VAT1L: variants seen among roughly 807,000 people sequenced by gnomAD.
VAT1L encodes the protein vesicle amine transport 1 like, also known as putative NADPH-dependent quinone oxidoreductase VAT1L.
Under a neutral mutation model 44.1 loss-of-function variants are expected in VAT1L, and 34 were observed. That is an observed-to-expected ratio of 0.77 (90% CI 0.59 to 1.03). The LOEUF (loss-of-function observed/expected upper bound fraction) is 1.03, where lower values mean the gene tolerates loss of function less well. Among genes scored for constraint, VAT1L ranks in the 50% least tolerant of loss-of-function variants. The probability of loss-of-function intolerance (pLI) is 0.00; values close to 1 mark genes in which losing one functional copy is unlikely to be tolerated. For missense variants in VAT1L, 615 were observed against 538.8 expected (o/e 1.14, Z -1.40); for synonymous variants, 253 against 202.2 (o/e 1.25, Z -2.13).
intron 4 of VAT1L, among the ~76,000 whole-genome samples, chr16:77,870,813 A>T (rs2017023220): frequency 1.3e-5 from 2 of 152,206 alleles, no homozygotes; most frequent in African/African-American, 4.8e-5. Flanking sequence ...AACCGGAGTC[A>T]GGGGGCACAG....
intron 7 of VAT1L, among the ~76,000 whole-genome samples, chr16:77,947,834 A>C (rs998430366): frequency 6.6e-6 from 1 of 152,138 alleles, no homozygotes; most frequent in African/African-American, 2.4e-5. Flanking sequence ...ATCTTGGCTC[A>C]CCACAACCTC....
intron 7 of VAT1L, among the ~76,000 whole-genome samples, chr16:77,965,448 G>C (rs1212022220): frequency 8.5e-5 from 13 of 152,210 alleles, no homozygotes; most frequent in Admixed American, 7.8e-4. Context: ...AGAAAGTCCA[G>C]ATGTCCTTTG....
chr16:77,928,649 G>A (rs1434045216), intron 7 of VAT1L, among the ~76,000 whole-genome samples: 1 of 152,110 alleles, frequency 6.6e-6, no homozygotes, highest in African/African-American at 2.4e-5. Context: ...AATAAGATTT[G>A]AAAGCAAGCC....
intron 7 of VAT1L, among the ~76,000 whole-genome samples, chr16:77,969,764 G>T (rs1467594334): frequency 6.6e-6 from 1 of 152,058 alleles, no homozygotes; most frequent in African/African-American, 2.4e-5. Context: ...ATTTTAGAAG[G>T]TGTCTGCTAC....
chr16:77,925,815 G>A (rs963371230), intron 7 of VAT1L, among the ~76,000 whole-genome samples: 3 of 151,404 alleles, frequency 2.0e-5, no homozygotes, highest in African/African-American at 7.4e-5. Flanking sequence ...TAAAAAGCCA[G>A]AAGCAGCATC....
intron 7 of VAT1L, among the ~76,000 whole-genome samples, chr16:77,932,010 C>G (rs945295505): frequency 6.6e-6 from 1 of 152,110 alleles, no homozygotes; most frequent in Non-Finnish European, 1.5e-5. Flanking sequence ...ATTCATTCAT[C>G]CACGCCTGAG....
At chr16:77,847,340 A>C (rs1244776863) in intron 3 of VAT1L, among the ~76,000 whole-genome samples, 1 of 152,172 alleles carries the variant, frequency 6.6e-6, no homozygotes, top group Non-Finnish European at 1.5e-5. Context: ...GAAGGGAGAC[A>C]GAAACCAAAA....
At chr16:77,848,134 C>A (rs1597065049) in intron 3 of VAT1L, among the ~76,000 whole-genome samples, 2 of 152,296 alleles carry the variant, frequency 1.3e-5, no homozygotes, top group Admixed American at 1.3e-4. Context: ...TTTTGTGTGT[C>A]ATGCTTCCTA....
At chr16:77,815,559 T>G (rs1202244088) in intron 1 of VAT1L, among the ~76,000 whole-genome samples, 1 of 152,240 alleles carries the variant, frequency 6.6e-6, no homozygotes, top group Non-Finnish European at 1.5e-5. Flanking sequence ...CTTACTCACC[T>G]TTATTCAGTC....
At chr16:77,825,866 A>AT (rs534510241) in intron 3 of VAT1L, among the ~76,000 whole-genome samples, 49 of 150,304 alleles carry the variant, frequency 3.3e-4, no homozygotes, top group African/African-American at 1.1e-3. Context: ...AATAAAAAAA[A>AT]AAAAAAATTA....
chr16:77,874,387 G>C (rs542130795), intron 4 of VAT1L, among the ~76,000 whole-genome samples: 1 of 152,106 alleles, frequency 6.6e-6, no homozygotes, highest in South Asian at 2.1e-4. Context: ...CATAATGCAA[G>C]GTGAAGACCT....
Position 77,897,871 on chromosome 16 carries a change from G to A in VAT1L, c.1077+13069G>A, listed in dbSNP as rs140619157. Among the ~76,000 whole-genome samples, 283 of 152,242 alleles carry A rather than the reference G, an allele frequency of 1.9e-3. 1 individual carries two copies. The highest frequency in any genetic ancestry group is 6.7e-3 in the African/African-American group (280 of 41,534). On this transcript the variant is annotated intron_variant, in intron 7 of 8. Transcript: ENST00000302536. Reference sequence around the variant, plus strand: ...TTTCCTCCCCTATAAAATAGGAACAGCTGACTTTATTTCCCAAAACAGTTG... The same window carrying A: ...TTTCCTCCCCTATAAAATAGGAACAACTGACTTTATTTCCCAAAACAGTTG...
intron 3 of VAT1L, among the ~76,000 whole-genome samples, chr16:77,839,751 A>T (rs901905766): frequency 2.6e-5 from 4 of 152,162 alleles, no homozygotes; most frequent in African/African-American, 7.2e-5. Flanking sequence ...CAAGGTTGAG[A>T]ACCACTGATG....
Position 77,952,997 on chromosome 16 carries a change from A to G in VAT1L, c.1078-18853A>G, listed in dbSNP as rs575807762. ...CAGATATATTGCAACAACATTGCAG[A>G]TATTTAAAACGAGGTCATATCAGAT... On this transcript the variant is annotated intron_variant, in intron 7 of 8. Coordinates refer to ENST00000302536, the MANE Select transcript of VAT1L (RefSeq NM_020927.3). Among the ~76,000 whole-genome samples the G allele has an allele frequency of 2.0e-5, 3 of 152,124 alleles. No individual in the cohort carries two copies. In the East Asian group the frequency reaches 5.8e-4, roughly 29 times the overall value.
chr16:77,886,263 C>T (rs1044448703), intron 7 of VAT1L, among the ~76,000 whole-genome samples: 2 of 152,302 alleles, frequency 1.3e-5, no homozygotes, highest in East Asian at 1.9e-4. Flanking sequence ...GTGAGTCAGA[C>T]ACCCATATGG....
rs1403268086 is a variant in VAT1L, at chr16:77,828,598, G to C, written c.579+3137G>C. Among the ~76,000 whole-genome samples, 12 of 152,244 alleles carry C rather than the reference G, an allele frequency of 7.9e-5. No individual in the cohort carries two copies. In the South Asian group the frequency reaches 2.5e-3, roughly 32 times the overall value. ...GAATCGCTTGAAGCCGGGAGGCAGA[G>C]GTTGCAGTGAGCTGAGATCGTGCCA... is the stretch of plus-strand genomic sequence containing the variant. On this transcript the variant is annotated intron_variant, in intron 3 of 8. Coordinates refer to ENST00000302536, the MANE Select transcript of VAT1L (RefSeq NM_020927.3).
chr16:77,913,373 T>C (rs1434529194), intron 7 of VAT1L, among the ~76,000 whole-genome samples: 1 of 152,080 alleles, frequency 6.6e-6, no homozygotes, highest in African/African-American at 2.4e-5. Context: ...TTTCCTTCTA[T>C]TCTCATTTAA....
intron 3 of VAT1L, among the ~76,000 whole-genome samples, chr16:77,845,740 C>A (rs563743741): frequency 1.3e-5 from 2 of 152,178 alleles, no homozygotes; most frequent in Non-Finnish European, 2.9e-5. Flanking sequence ...GACTAGCTCC[C>A]CTTTTTCCTC....
At chr16:77,833,897 A>G (rs1192951987) in intron 3 of VAT1L, among the ~76,000 whole-genome samples, 1 of 152,182 alleles carries the variant, frequency 6.6e-6, no homozygotes, top group African/African-American at 2.4e-5. Context: ...AATTCCGGAC[A>G]GGAGGGCGTT....
Sources: allele counts gnomAD v4.1 joint callset (sites outside exome capture counted in the v4.1 genomes callset), GRCh38; gene constraint gnomAD v4.1.1; transcripts MANE v1.5; gene names NCBI Gene and HGNC (gene_info 2026-07-23, HGNC 2026-07-21).